Variants in HECW1 observed in about 807,000 individuals in gnomAD.
HECW1 encodes the protein E3 ubiquitin-protein ligase HECW1.
In HECW1, 61 loss-of-function variants were observed where a neutral mutation model predicts 182.3. The ratio of observed to expected loss-of-function variants is 0.33; its 90% CI spans 0.27 to 0.41. The LOEUF (loss-of-function observed/expected upper bound fraction) is 0.41. Ranked by LOEUF, HECW1 falls within the 10% of genes least tolerant of loss-of-function variation. The probability of loss-of-function intolerance (pLI) is 1.00; values close to 1 mark genes in which losing one functional copy is unlikely to be tolerated. For missense variants in HECW1, 1,739 were observed against 2,108.9 expected (o/e 0.82, Z 3.44); for synonymous variants, 859 against 832.6 (o/e 1.03, Z -0.55).
At chr7:43,443,257 G>T (rs952120130) in intron 10 of HECW1, among the ~76,000 whole-genome samples, 1 of 152,116 alleles carries the variant, frequency 6.6e-6, no homozygotes, top group African/African-American at 2.4e-5. Flanking sequence ...AGGACCTCCT[G>T]GACCATTTAC....
intron 5 of HECW1, among the ~76,000 whole-genome samples, chr7:43,323,161 G>C (rs907529902): frequency 1.3e-5 from 2 of 152,112 alleles, no homozygotes; most frequent in Non-Finnish European, 2.9e-5. Flanking sequence ...AATTAATCCA[G>C]CCCTAGTGCC....
intron 17 of HECW1, among the ~76,000 whole-genome samples, chr7:43,486,735 G>A (rs554801265): frequency 1.3e-5 from 2 of 152,212 alleles, no homozygotes; most frequent in Admixed American, 6.5e-5. Flanking sequence ...CTGAAACATC[G>A]CTATGTGGCA....
At chr7:43,458,961 T>C (rs565941734) in intron 13 of HECW1, among the ~76,000 whole-genome samples, 3 of 152,328 alleles carry the variant, frequency 2.0e-5, no homozygotes, top group African/African-American at 7.2e-5. Flanking sequence ...ACAATAGCAA[T>C]CAATGTGTAA....
chr7:43,508,188 G>A, intron 23 of HECW1, 57 bp downstream of exon 23: 1 of 1,158,624 alleles, frequency 8.6e-7, no homozygotes, highest in Admixed American at 1.8e-5. Flanking sequence ...AGAGCCTCAG[G>A]GTCAGGGGTG....
intron 2 of HECW1, among the ~76,000 whole-genome samples, chr7:43,183,993 T>A (rs1793115443): frequency 6.6e-6 from 1 of 152,082 alleles, no homozygotes; most frequent in Non-Finnish European, 1.5e-5. Flanking sequence ...ATTTGTAGCA[T>A]TTGCCAATTC....
At chr7:43,479,771 T>G in intron 17 of HECW1, 27 bp downstream of exon 17, 2 of 1,612,720 alleles carry the variant, frequency 1.2e-6, no homozygotes, top group South Asian at 1.1e-5. Flanking sequence ...CCCGCCCTAC[T>G]GTTCACCGGT....
chr7:43,224,355 C>A (rs777402591), intron 2 of HECW1, among the ~76,000 whole-genome samples: 164 of 152,156 alleles, frequency 1.1e-3, no homozygotes, highest in Non-Finnish European at 2.1e-3. Context: ...CAAACAAGCA[C>A]AATACAAAAT....
At chr7:43,469,651 C>T (rs1015984528) in intron 16 of HECW1, among the ~76,000 whole-genome samples, 62 of 152,186 alleles carry the variant, frequency 4.1e-4, no homozygotes, top group African/African-American at 1.4e-3. Context: ...ATAACCTTAA[C>T]CCAAACTGGG....
Position 43,311,928 on chromosome 7 carries a change from C to T in HECW1, c.193C>T (p.Arg65Cys), listed in dbSNP as rs374211011. 5 of 1,614,226 alleles carry T rather than the reference C, an allele frequency of 3.1e-6. No individual in the cohort carries two copies. Among genetic ancestry groups the T allele is most frequent in the East Asian group, 2.2e-5 (1 of 44,870 alleles). ...CCCCCACGATGGCGTCACCATTCCCCGCTCCACCAGCGACACTGACCTGGT... is the reference window on the plus strand; with the variant it reads ...CCCCCACGATGGCGTCACCATTCCCTGCTCCACCAGCGACACTGACCTGGT... ...GGPHDGVTIP[R>C]STSDTDLVTS... The change falls in exon 4 of 30, where the codon CGC becomes TGC. Residue 65 changes from arginine (R) to cysteine (C), a missense_variant. By Grantham distance (180) the Arg-to-Cys change is radical. Around this residue, in one of 5 missense-constraint regions of HECW1, gnomAD observed 279 missense variants for 353.1 expected, o/e 0.79. Coordinates refer to ENST00000395891, the MANE Select transcript of HECW1 (RefSeq NM_015052.5).
chr7:43,455,353 A>G (rs545194677), intron 12 of HECW1, among the ~76,000 whole-genome samples: 9 of 152,240 alleles, frequency 5.9e-5, no homozygotes, highest in Admixed American at 3.9e-4. Flanking sequence ...ATTTCCTTCC[A>G]TTCACCCACT....
intron 5 of HECW1, among the ~76,000 whole-genome samples, chr7:43,353,018 A>C (rs896795713): frequency 2.6e-5 from 4 of 152,096 alleles, no homozygotes; most frequent in Non-Finnish European, 4.4e-5. Flanking sequence ...AACAATCTGT[A>C]CTCTCTGAAT....
chr7:43,334,905 C>G (rs1381510427), intron 5 of HECW1, among the ~76,000 whole-genome samples: 3 of 152,142 alleles, frequency 2.0e-5, no homozygotes, highest in Non-Finnish European at 4.4e-5. Context: ...ACAGACACAG[C>G]CTTTTCTTGG....
chr7:43,123,255 G>T (rs1785828575), intron 2 of HECW1, among the ~76,000 whole-genome samples: 1 of 152,138 alleles, frequency 6.6e-6, no homozygotes. Context: ...ATTGCTTCCG[G>T]AGGAGCTACT....
chr7:43,444,484 G>C lies in HECW1; in HGVS notation c.1312G>C (p.Ala438Pro), dbSNP rs771993810. 3.7e-6 allele frequency: 6 copies of C among 1,612,898 alleles called. No individual in the cohort carries two copies. In the South Asian group the frequency reaches 5.5e-5, roughly 15 times the overall value. The change falls in exon 11 of 30, where the codon GCT becomes CCT. Residue 438 changes from alanine to proline, a missense_variant. Ala to Pro is a conservative substitution (Grantham distance 27). Coordinates refer to ENST00000395891, the MANE Select transcript of HECW1 (RefSeq NM_015052.5). This position sits in a 1 kb window ranked among gnomAD's most constrained non-coding sequence, Gnocchi z 4.3. ...QGMVSVGPEG[A>P]GELLAQVQKD... ...CATGGTCTCTGTGGGACCTGAAGGG[G>C]CTGGGGAGCTCCTGGCCCAGGTGCA...
intron 16 of HECW1, among the ~76,000 whole-genome samples, chr7:43,473,656 G>T (rs936772551): frequency 6.6e-6 from 1 of 151,890 alleles, no homozygotes; most frequent in Non-Finnish European, 1.5e-5. Flanking sequence ...GTGAGAATAG[G>T]GAAGATGAGC....
chr7:43,499,290 T>TA (rs1554444382), intron 19 of HECW1, among the ~76,000 whole-genome samples: 1 of 151,518 alleles, frequency 6.6e-6, no homozygotes. Flanking sequence ...CTCAAAAAAA[T>TA]AAAAAATTTT....
At chr7:43,274,674 C>A (rs977789303) in intron 3 of HECW1, 7 of 281,856 alleles carry the variant, frequency 2.5e-5, no homozygotes, top group African/African-American at 1.4e-4. Context: ...CGAGAGAGAG[C>A]GCGCAGTAAA....
chr7:43,445,652 G>C, intron 11 of HECW1, 82 bp downstream of exon 11: 1 of 1,442,008 alleles, frequency 6.9e-7, no homozygotes. Context: ...AACAAGAAGG[G>C]CGGGGGATCG....
intron 26 of HECW1, among the ~76,000 whole-genome samples, chr7:43,547,663 C>CT (rs1201694752): frequency 6.6e-6 from 1 of 152,128 alleles, no homozygotes; most frequent in African/African-American, 2.4e-5. Flanking sequence ...TTTCGTTTTC[C>CT]TTTTTTACAA....
Sources: gnomAD v4.1 joint callset for allele counts (sites outside exome capture counted in the v4.1 genomes callset) on GRCh38, gnomAD v4.1.1 for gene constraint, gnomAD v4.1.1 regional missense constraint, Gnocchi (gnomAD v3.1) non-coding constraint, MANE v1.5 for transcripts, NCBI Gene and HGNC (gene_info 2026-07-23, HGNC 2026-07-21) for gene names.